The following GRID1 variants were observed in gnomAD, a reference collection of about 807,000 sequenced individuals.
GRID1 encodes the protein glutamate receptor ionotropic, delta-1.
Under a neutral mutation model 98.0 loss-of-function variants are expected in GRID1, and 28 were observed. The observed-to-expected ratio is 0.29, with a 90% CI of 0.21 to 0.39. The LOEUF is 0.39. Ranked by LOEUF, GRID1 falls within the 10% of genes least tolerant of loss-of-function variation. GRID1 has a pLI of 1.00. For synonymous variants in GRID1, 553 were observed against 538.5 expected (o/e 1.03, Z -0.37); for missense variants, 1,111 against 1,340.5 (o/e 0.83, Z 2.67).
chr10:85,933,577 C>A (rs771037503), intron 4 of GRID1, among the ~76,000 whole-genome samples: 3 of 152,220 alleles, frequency 2.0e-5, no homozygotes, highest in Non-Finnish European at 4.4e-5. Context: ...CTCCAATCTT[C>A]AGGCCCTGGA....
chr10:85,704,684 T>C (rs1226852633), intron 12 of GRID1, among the ~76,000 whole-genome samples: 5 of 152,060 alleles, frequency 3.3e-5, no homozygotes, highest in East Asian at 1.9e-4. Context: ...CAGCAACACA[T>C]CACACCTATT....
chr10:85,772,572 C>A (rs1338003894), intron 8 of GRID1, among the ~76,000 whole-genome samples: 1 of 152,058 alleles, frequency 6.6e-6, no homozygotes, highest in African/African-American at 2.4e-5. Context: ...TGATAGACTG[C>A]TAGCAAGACT....
intron 2 of GRID1, among the ~76,000 whole-genome samples, chr10:86,268,936 GC>G (rs34309851): frequency 0.076 from 11,584 of 152,040 alleles, 624 homozygotes; most frequent in Middle Eastern, 0.12. Context: ...GTTGCAGTGA[GC>G]TGAGATCACG....
chr10:86,172,706 T>G (rs1210213100), intron 3 of GRID1, among the ~76,000 whole-genome samples: 1 of 152,194 alleles, frequency 6.6e-6, no homozygotes, highest in Non-Finnish European at 1.5e-5. Context: ...CCATCCATCC[T>G]GCCATCTGCT....
chr10:85,942,291 AC>A (rs1240708131), intron 4 of GRID1, among the ~76,000 whole-genome samples: 2 of 151,812 alleles, frequency 1.3e-5, no homozygotes, highest in Non-Finnish European at 2.9e-5. Flanking sequence ...CCTGCCTCCT[AC>A]CCCCACCCTG....
chr10:86,292,545 G>A (rs941618772), intron 2 of GRID1, among the ~76,000 whole-genome samples: 16 of 152,212 alleles, frequency 1.1e-4, no homozygotes, highest in Non-Finnish European at 1.9e-4. Flanking sequence ...TGGTCCCATG[G>A]AGCAAACAGC....
In GRID1 at chr10:86,276,632, G is replaced by A. The variant is rs556638026; in HGVS notation, c.236-69984C>T. ...ATTCTCATGCCTCAGCCTCTAGAGT[G>A]GCGCCCACCACCACACCTAGCAAAT... is the stretch of plus-strand genomic sequence containing the variant. On this transcript the variant is annotated intron_variant, in intron 2 of 15. Coordinates refer to ENST00000327946, the MANE Select transcript of GRID1 (RefSeq NM_017551.3). Among the ~76,000 whole-genome samples the A allele has an allele frequency of 9.9e-5, 15 of 151,776 alleles. No individual in the cohort carries two copies. The South Asian group carries it at 2.9e-3, about 30-fold the overall frequency.
At chr10:85,804,301 A>G (rs1842602935) in intron 8 of GRID1, among the ~76,000 whole-genome samples, 1 of 151,920 alleles carries the variant, frequency 6.6e-6, no homozygotes, top group Admixed American at 6.6e-5. Flanking sequence ...AAAAGTTTTG[A>G]GATCCAAATG....
At chr10:85,911,231 G>A (rs1000319666) in intron 5 of GRID1, among the ~76,000 whole-genome samples, 4 of 152,124 alleles carry the variant, frequency 2.6e-5, no homozygotes, top group African/African-American at 7.2e-5. Context: ...CAGAAGGATG[G>A]GGACAGTGGT....
At chr10:86,243,355 G>C (rs1467469610) in intron 2 of GRID1, among the ~76,000 whole-genome samples, 1 of 152,032 alleles carries the variant, frequency 6.6e-6, no homozygotes, top group Non-Finnish European at 1.5e-5. Flanking sequence ...GTTACTCCTG[G>C]GCCCTAACCA....
chr10:86,118,684 G>C (rs1429516640), intron 4 of GRID1, among the ~76,000 whole-genome samples: 1 of 152,062 alleles, frequency 6.6e-6, no homozygotes, highest in East Asian at 1.9e-4. Context: ...GAGAAACCTT[G>C]ACAAACACTG....
chr10:86,351,260 C>T (rs1028531821), intron 2 of GRID1, among the ~76,000 whole-genome samples: 6 of 152,236 alleles, frequency 3.9e-5, no homozygotes, highest in Non-Finnish European at 5.9e-5. Context: ...ATGCACAAGA[C>T]GGTGTATGTG....
intron 8 of GRID1, among the ~76,000 whole-genome samples, chr10:85,826,632 A>C (rs1194669248): frequency 1.3e-5 from 2 of 151,846 alleles, no homozygotes; most frequent in African/African-American, 4.8e-5. Context: ...TGCACCCTAC[A>C]CCCTGCCACA....
At position 86,366,555 on chromosome 10, in the gene GRID1, C is replaced by CCCCAGCCCAGCCCAG. The variant is rs1263038309; in HGVS notation, c.-178_-164dup. ...CGCCCGCCCCTGCGCCCTGCGCCCG[C>CCCCAGCCCAGCCCAG]CCCAGCCCAGCCCAGCCCAGCCCAG... On this transcript the variant is annotated 5_prime_UTR_variant, in exon 1 of 16. Transcript: ENST00000327946. The surrounding 1 kb of genome is among the most constrained non-coding windows in gnomAD (Gnocchi z 4.1). 3.5e-6 allele frequency: 1 copy of CCCCAGCCCAGCCCAG among 289,548 alleles called. No individual in the cohort carries two copies. The highest frequency in any genetic ancestry group is 5.4e-5 in the Admixed American group (1 of 18,420). The allele number at this position is 289,548 out of a possible 1,614,324, so 17.9% of individuals were successfully genotyped here.
intron 4 of GRID1, among the ~76,000 whole-genome samples, chr10:86,030,381 A>G (rs10788477): frequency 0.8 from 121,272 of 152,226 alleles, 48,519 homozygotes; most frequent in South Asian, 0.88. Context: ...AGTTTCTCTA[A>G]CTACCCAAAT....
At chr10:85,685,402 T>C (rs989813834) in intron 12 of GRID1, among the ~76,000 whole-genome samples, 1 of 152,056 alleles carries the variant, frequency 6.6e-6, no homozygotes, top group Non-Finnish European at 1.5e-5. Context: ...TAAGTTAAAT[T>C]GAGAAAAAGA....
At chr10:86,310,674 G>T (rs941047658) in intron 2 of GRID1, among the ~76,000 whole-genome samples, 5 of 152,208 alleles carry the variant, frequency 3.3e-5, no homozygotes, top group Non-Finnish European at 4.4e-5. Context: ...AGAAAAGGCA[G>T]CTGATGGCCC....
At chr10:86,008,991 C>T (rs1037305613) in intron 4 of GRID1, among the ~76,000 whole-genome samples, 3 of 152,122 alleles carry the variant, frequency 2.0e-5, no homozygotes, top group South Asian at 2.1e-4. Context: ...GAATGGATTA[C>T]AAAGGAGACA....
At chr10:85,918,033 G>A (rs943321031) in intron 4 of GRID1, among the ~76,000 whole-genome samples, 1 of 152,232 alleles carries the variant, frequency 6.6e-6, no homozygotes, top group Non-Finnish European at 1.5e-5. Flanking sequence ...TGGAGACAGG[G>A]TGGGCTGAGA....
Sources: gnomAD v4.1 joint callset for allele counts (sites outside exome capture counted in the v4.1 genomes callset) on GRCh38, gnomAD v4.1.1 for gene constraint, Gnocchi (gnomAD v3.1) non-coding constraint, MANE v1.5 for transcripts, NCBI Gene and HGNC (gene_info 2026-07-23, HGNC 2026-07-21) for gene names.